Variants in ITPRID1 observed in about 807,000 individuals in gnomAD.
ITPRID1 encodes the protein ITPR interacting domain containing 1, also known as protein ITPRID1.
A neutral mutation model predicts 95.4 loss-of-function variants in ITPRID1; 96 were observed. The observed-to-expected ratio is 1.01, with a 90% CI of 0.85 to 1.19. The LOEUF (loss-of-function observed/expected upper bound fraction) is 1.19, where lower values mean the gene tolerates loss of function less well. Ranked by LOEUF, ITPRID1 falls within the 50% of genes most tolerant of loss-of-function variation. The probability of loss-of-function intolerance (pLI) is 0.00; values close to 1 mark genes in which losing one functional copy is unlikely to be tolerated. For synonymous variants in ITPRID1, 510 were observed against 453.6 expected (o/e 1.12, Z -1.58); for missense variants, 1,339 against 1,252.9 (o/e 1.07, Z -1.04).
At chr7:31,599,579 G>A (rs973020438) in intron 10 of ITPRID1, among the ~76,000 whole-genome samples, 5 of 144,298 alleles carry the variant, frequency 3.5e-5, no homozygotes, top group Admixed American at 6.9e-5. Context: ...TGTATTTGTT[G>A]TGTTATTTTC....
chr7:31,651,900 G>T (rs1790991112), intron 13 of ITPRID1, 39 bp from the exon 14 acceptor site: 2 of 1,428,626 alleles, frequency 1.4e-6, no homozygotes, highest in South Asian at 2.5e-5. Context: ...ACCTGGGAAG[G>T]ATTGTTAAAT....
intron 8 of ITPRID1, among the ~76,000 whole-genome samples, chr7:31,575,019 GA>G (rs1248307610): frequency 6.6e-6 from 1 of 152,204 alleles, no homozygotes; most frequent in Non-Finnish European, 1.5e-5. Flanking sequence ...GCGAAAGATA[GA>G]AATGGAGAAT....
intron 1 of ITPRID1, 44 bp from the exon 2 acceptor site, chr7:31,549,382 A>G: frequency 7.7e-7 from 1 of 1,305,394 alleles, no homozygotes; most frequent in Non-Finnish European, 9.9e-7. Flanking sequence ...ATTTTCTGTG[A>G]GACAAATGAT....
chr7:31,616,299 G>C (rs944143251), intron 10 of ITPRID1, among the ~76,000 whole-genome samples: 37 of 151,946 alleles, frequency 2.4e-4, no homozygotes, highest in African/African-American at 8.2e-4. Context: ...TGTATTTATG[G>C]TTATCCCTTC....
intron 1 of ITPRID1, among the ~76,000 whole-genome samples, chr7:31,524,088 G>A (rs547152456): frequency 2.0e-5 from 3 of 152,066 alleles, no homozygotes; most frequent in Non-Finnish European, 4.4e-5. Flanking sequence ...AGTATATGTT[G>A]GTAATATGAC....
At chr7:31,581,632 A>G (rs375172114) in intron 9 of ITPRID1, among the ~76,000 whole-genome samples, 9 of 152,090 alleles carry the variant, frequency 5.9e-5, no homozygotes, top group African/African-American at 2.2e-4. Flanking sequence ...CTATTTGTTT[A>G]TTTTATTTTT....
At chr7:31,645,117 G>T (rs1790353287) in intron 12 of ITPRID1, among the ~76,000 whole-genome samples, 1 of 152,158 alleles carries the variant, frequency 6.6e-6, no homozygotes, top group Non-Finnish European at 1.5e-5. Context: ...ATGACTAAGT[G>T]GGAAGTCCAA....
intron 10 of ITPRID1, among the ~76,000 whole-genome samples, chr7:31,591,909 C>T (rs934672327): frequency 2.6e-5 from 4 of 151,966 alleles, no homozygotes; most frequent in African/African-American, 4.8e-5. Flanking sequence ...CTAAATATGA[C>T]AATAAAATGT....
intron 1 of ITPRID1, chr7:31,529,706 A>T (rs1319534814): frequency 5.0e-6 from 7 of 1,386,658 alleles, no homozygotes; most frequent in African/African-American, 1.4e-5. Flanking sequence ...CTTTGTAGTC[A>T]GTCTTAGCTG....
chr7:31,584,910 A>G (rs1785533025), intron 10 of ITPRID1, among the ~76,000 whole-genome samples: 1 of 152,224 alleles, frequency 6.6e-6, no homozygotes, highest in Admixed American at 6.5e-5. Flanking sequence ...ATGTTGTGCT[A>G]GTTTCAGTGC....
intron 1 of ITPRID1, among the ~76,000 whole-genome samples, chr7:31,530,248 T>A (rs1035887987): frequency 6.6e-6 from 1 of 152,214 alleles, no homozygotes; most frequent in African/African-American, 2.4e-5. Context: ...TACTTAGGAC[T>A]TTTTTTGTCT....
Position 31,578,094 on chromosome 7 carries a change from T to C in ITPRID1, c.830T>C (p.Phe277Ser), listed in dbSNP as rs1019761406. ...TGTAACCCAGAGGTATCAGAGTCCT[T>C]CAAGGTGAAGGATGAAGTTTTTGTT... ...RDCNPEVSESFKVKDEVFVPF... is the reference protein window; with the variant it reads ...RDCNPEVSESSKVKDEVFVPF... The change falls in exon 9 of 15, where the codon TTC becomes TCC. Residue 277 changes from phenylalanine to serine, a missense_variant. Transcript: ENST00000615280. 4 of 1,613,724 alleles carry C rather than the reference T, an allele frequency of 2.5e-6. No individual in the cohort carries two copies. The highest frequency in any genetic ancestry group is 3.4e-6 in the Non-Finnish European group (4 of 1,179,786).
chr7:31,527,895 C>A (rs1052695608), intron 1 of ITPRID1, among the ~76,000 whole-genome samples: 2 of 152,122 alleles, frequency 1.3e-5, no homozygotes, highest in Non-Finnish European at 2.9e-5. Flanking sequence ...GGCAGACAGA[C>A]CTGAAAGGGA....
rs115325212 is a variant in ITPRID1 at position 31,532,422 on chromosome 7, T to G, written c.-97-17004T>G. Among the ~76,000 whole-genome samples the G allele has an allele frequency of 2.5e-3, 385 of 152,324 alleles. 1 individual carries two copies. The highest frequency in any genetic ancestry group is 8.6e-3 in the African/African-American group (357 of 41,578). On this transcript the variant is annotated intron_variant, in intron 1 of 14. Transcript: ENST00000615280. The stretch of plus-strand genomic sequence containing the variant: ...GAAATGATGAGAGCAGACATCCTTG[T>G]GTCATTTGCAATTTGAGGAGGAAGT...
chr7:31,605,119 C>G (rs1159286410), intron 10 of ITPRID1, among the ~76,000 whole-genome samples: 1 of 141,640 alleles, frequency 7.1e-6, no homozygotes, highest in Non-Finnish European at 1.5e-5. Context: ...GCCTGGGTGA[C>G]AGAGGGAGAC....
intron 9 of ITPRID1, among the ~76,000 whole-genome samples, chr7:31,580,009 G>A (rs530096363): frequency 6.6e-6 from 1 of 152,154 alleles, no homozygotes; most frequent in Non-Finnish European, 1.5e-5. Flanking sequence ...TATAAAGAAT[G>A]TCAAGCCTGC....
intron 1 of ITPRID1, among the ~76,000 whole-genome samples, chr7:31,530,757 AAAAG>A (rs971843396): frequency 7.9e-5 from 12 of 152,176 alleles, no homozygotes; most frequent in Non-Finnish European, 1.3e-4. Context: ...AAACCTTAAA[AAAAG>A]GAAGCAATAG....
At position 31,588,584 on chromosome 7, in the gene ITPRID1, T is replaced by C. The variant is rs143043938; in HGVS notation, c.1228+5393T>C. Among the ~76,000 whole-genome samples the C allele has an allele frequency of 1.6e-3, 203 of 129,824 alleles. 1 individual carries two copies. The highest frequency in any genetic ancestry group is 5.9e-3 in the Middle Eastern group (1 of 170). The allele number at this position is 129,824 out of a possible 152,430, so 85.2% of individuals were successfully genotyped here. A position where few individuals can be genotyped will look rare whatever the true frequency, so the allele number is the denominator to read the frequency against. On this transcript the variant is annotated intron_variant, in intron 10 of 14. Transcript: ENST00000615280. ...AGACAGAGGTTGTGGTGAGCCTGGA[T>C]TGTGTCAACTGCACTCCAGCCTGGG...
Position 31,627,752 on chromosome 7 carries a change from G to T in ITPRID1, c.1229-14424G>T, listed in dbSNP as rs531201866. ...ATGGAAAGCAGTGTCTCAGTCCTCT[G>T]CACATCTTTCTTTTAAGCTTGGGTG... On this transcript the variant is annotated intron_variant, in intron 10 of 14. Coordinates refer to ENST00000615280, the MANE Select transcript of ITPRID1 (RefSeq NM_001257967.3). Among the ~76,000 whole-genome samples the T allele has an allele frequency of 1.8e-4, 27 of 149,676 alleles. 1 individual carries two copies. The South Asian group carries it at 5.7e-3, about 31-fold the overall frequency.
Sources: gnomAD v4.1 joint callset for allele counts (sites outside exome capture counted in the v4.1 genomes callset) on GRCh38, gnomAD v4.1.1 for gene constraint, MANE v1.5 for transcripts, NCBI Gene and HGNC (gene_info 2026-07-23, HGNC 2026-07-21) for gene names.